Variants in NR6A1 observed in about 807,000 individuals in gnomAD.
NR6A1 encodes retinoic acid receptor-related testis-associated receptor.
A neutral mutation model predicts 59.1 loss-of-function variants in NR6A1; 7 were observed. The observed-to-expected ratio is 0.12, with a 90% CI of 0.07 to 0.22. The LOEUF (loss-of-function observed/expected upper bound fraction) is 0.22. NR6A1 is among the 10% of genes least tolerant of loss of function. The pLI is 1.00. For missense variants in NR6A1, 468 were observed against 611.6 expected (o/e 0.77, Z 2.48); for synonymous variants, 243 against 236.1 (o/e 1.03, Z -0.27).
chr9:124,540,445 T>G (rs1321811790), intron 4 of NR6A1, among the ~76,000 whole-genome samples: 2 of 152,174 alleles, frequency 1.3e-5, no homozygotes, highest in African/African-American at 4.8e-5. Context: ...TCAACTCCTT[T>G]TTGTCCTTGA....
At chr9:124,564,610 G>T (rs190009483) in intron 2 of NR6A1, among the ~76,000 whole-genome samples, 1 of 152,012 alleles carries the variant, frequency 6.6e-6, no homozygotes, top group African/African-American at 2.4e-5. Flanking sequence ...GATATATGAC[G>T]CTCATGGATT....
In NR6A1 at chr9:124,540,197, G is replaced by A. The variant is rs1478549002; in HGVS notation, c.442-10C>T. The A allele has an allele frequency of 6.2e-7, 1 of 1,611,820 alleles. No homozygotes were observed. The highest frequency in any genetic ancestry group is 1.3e-5 in the African/African-American group (1 of 75,040). On this transcript the variant is annotated splice_polypyrimidine_tract_variant and intron_variant, in intron 4 of 9. Transcript: ENST00000487099. ...TTTCTTCTTCCGATATCTTTGACAA[G>A]GAATTGAGACATGTTAGATGGGTGC...
chr9:124,749,386 A>G (rs1021594723), intron 1 of NR6A1, among the ~76,000 whole-genome samples: 1 of 152,188 alleles, frequency 6.6e-6, no homozygotes, highest in African/African-American at 2.4e-5. Flanking sequence ...AGCTTTAGGG[A>G]AAGTGTTCCA....
Position 124,519,901 on chromosome 9 carries a change from C to CAAAAAAAAA in NR6A1, c.*2795_*2803dup, listed in dbSNP as rs10639098. On this transcript the variant is annotated 3_prime_UTR_variant, in exon 10 of 10. Transcript: ENST00000487099. Reference sequence around the variant, plus strand: ...TGAGCGACAGAGCGAGACTCCGCCTCAAAAAAAAAAAAAAAAAAAAAAAAA... The same window carrying CAAAAAAAAA: ...TGAGCGACAGAGCGAGACTCCGCCTCAAAAAAAAAAAAAAAAAAAAAAAAAAAAAAAAAA... 51 of 23,900 alleles carry CAAAAAAAAA rather than the reference C, an allele frequency of 2.1e-3. 2 individuals carry two copies. Among genetic ancestry groups the CAAAAAAAAA allele is most frequent in the African/African-American group, 6.4e-3 (49 of 7,648 alleles). The allele number at this position is 23,900 out of a possible 1,614,324, so 1.5% of individuals were successfully genotyped here.
intron 2 of NR6A1, among the ~76,000 whole-genome samples, chr9:124,579,329 T>C (rs1036651619): frequency 5.9e-5 from 9 of 151,648 alleles, no homozygotes; most frequent in South Asian, 2.1e-4. Flanking sequence ...AGGTGGAGGA[T>C]TGCCTGAGCT....
intron 1 of NR6A1, among the ~76,000 whole-genome samples, chr9:124,770,680 G>A: frequency 7.4e-6 from 1 of 136,036 alleles, no homozygotes; most frequent in Middle Eastern, 3.3e-3. Flanking sequence ...GGGACCCGGG[G>A]GGAGGAGGGA....
chr9:124,627,286 G>A (rs1693108115), intron 2 of NR6A1, among the ~76,000 whole-genome samples: 1 of 152,126 alleles, frequency 6.6e-6, no homozygotes, highest in East Asian at 1.9e-4. Flanking sequence ...TCTAACTACA[G>A]GATAGCCATA....
At chr9:124,615,210 T>C (rs1835854004) in intron 2 of NR6A1, among the ~76,000 whole-genome samples, 1 of 152,214 alleles carries the variant, frequency 6.6e-6, no homozygotes, top group Non-Finnish European at 1.5e-5. Context: ...ATCATTACAA[T>C]GCCCTAATTA....
chr9:124,654,132 T>C (rs971647889), intron 2 of NR6A1, among the ~76,000 whole-genome samples: 3 of 152,100 alleles, frequency 2.0e-5, no homozygotes, highest in Admixed American at 2.0e-4. Flanking sequence ...AAAAGAAATA[T>C]GATTCTTCTA....
intron 2 of NR6A1, among the ~76,000 whole-genome samples, chr9:124,685,637 T>C (rs1448413566): frequency 2.0e-5 from 3 of 152,186 alleles, no homozygotes; most frequent in Admixed American, 6.5e-5. Context: ...GCCTACACTT[T>C]TAATTCTGAT....
intron 2 of NR6A1, among the ~76,000 whole-genome samples, chr9:124,649,635 T>C (rs538897971): frequency 1.3e-5 from 2 of 152,152 alleles, no homozygotes; most frequent in African/African-American, 4.8e-5. Flanking sequence ...AGCTTCTGCA[T>C]AGCAAAGAAA....
chr9:124,618,390 G>C (rs951654483), intron 2 of NR6A1, among the ~76,000 whole-genome samples: 2 of 152,158 alleles, frequency 1.3e-5, no homozygotes, highest in Non-Finnish European at 2.9e-5. Context: ...GGCTGCGGCA[G>C]GAGAATCACT....
chr9:124,647,454 G>T (rs746447210), intron 2 of NR6A1, among the ~76,000 whole-genome samples: 4 of 152,078 alleles, frequency 2.6e-5, no homozygotes, highest in Non-Finnish European at 5.9e-5. Flanking sequence ...GGGGCCGGCC[G>T]CAGTGGTTCA....
chr9:124,746,287 C>T (rs566546537), intron 1 of NR6A1, among the ~76,000 whole-genome samples: 1 of 152,258 alleles, frequency 6.6e-6, no homozygotes, highest in South Asian at 2.1e-4. Flanking sequence ...GCTAGTTAAT[C>T]ATACCTATGA....
chr9:124,752,107 A>C (rs1462671583), intron 1 of NR6A1, among the ~76,000 whole-genome samples: 1 of 152,126 alleles, frequency 6.6e-6, no homozygotes, highest in Admixed American at 6.6e-5. Flanking sequence ...TGTCTCTACT[A>C]AAAATACAAA....
chr9:124,676,071 C>G (rs1837951277), intron 2 of NR6A1, among the ~76,000 whole-genome samples: 1 of 152,114 alleles, frequency 6.6e-6, no homozygotes, highest in Non-Finnish European at 1.5e-5. Context: ...AATTGCCCCT[C>G]TGTGTCACAA....
At chr9:124,549,327 T>C (rs1833699375) in intron 3 of NR6A1, among the ~76,000 whole-genome samples, 2 of 152,174 alleles carry the variant, frequency 1.3e-5, no homozygotes, top group African/African-American at 4.8e-5. Flanking sequence ...GGAATGCAGA[T>C]TGTGAGTGGG....
intron 2 of NR6A1, among the ~76,000 whole-genome samples, chr9:124,709,842 G>A (rs1443806738): frequency 6.6e-6 from 1 of 151,864 alleles, no homozygotes; most frequent in Non-Finnish European, 1.5e-5. Context: ...GGCTGAGGCA[G>A]GAGAATCGCT....
chr9:124,584,855 C>T (rs1042796007), intron 2 of NR6A1, among the ~76,000 whole-genome samples: 4 of 152,160 alleles, frequency 2.6e-5, no homozygotes, highest in Non-Finnish European at 5.9e-5. Context: ...AATCGTTAAG[C>T]TTAATGAGGA....
Sources: allele counts gnomAD v4.1 joint callset (sites outside exome capture counted in the v4.1 genomes callset), GRCh38; gene constraint gnomAD v4.1.1; transcripts MANE v1.5; gene names NCBI Gene and HGNC (gene_info 2026-07-23, HGNC 2026-07-21).